The following NKAIN2 variants were observed in gnomAD, a reference collection of about 807,000 sequenced individuals.
NKAIN2 encodes sodium/potassium transporting ATPase interacting 2.
NKAIN2 carries 14 observed loss-of-function variants against 32.6 expected under a neutral mutation model. The observed-to-expected ratio is 0.43, with a 90% CI of 0.28 to 0.67. The LOEUF is 0.67. NKAIN2 is among the 30% of genes least tolerant of loss of function. The probability of loss-of-function intolerance (pLI) is 0.17; values close to 1 mark genes in which losing one functional copy is unlikely to be tolerated. For synonymous variants in NKAIN2, 80 were observed against 87.2 expected, an observed-to-expected ratio of 0.92 and a Z score of 0.46; for missense variants, 198 against 258.3, an observed-to-expected ratio of 0.77 and a Z score of 1.60.
intron 4 of NKAIN2, among the ~76,000 whole-genome samples, chr6:124,677,298 T>C (rs558580325): frequency 4.6e-5 from 7 of 152,272 alleles, no homozygotes; most frequent in African/African-American, 1.4e-4. Context: ...ATTCAGTCAT[T>C]TCCCATATTT....
chr6:124,430,178 T>C (rs1467192383), intron 3 of NKAIN2, among the ~76,000 whole-genome samples: 1 of 152,228 alleles, frequency 6.6e-6, no homozygotes, highest in African/African-American at 2.4e-5. Flanking sequence ...ATAGAGAATT[T>C]TTCTGTCAAC....
At chr6:124,140,576 G>A (rs1787084622) in intron 1 of NKAIN2, among the ~76,000 whole-genome samples, 1 of 152,094 alleles carries the variant, frequency 6.6e-6, no homozygotes. Context: ...AGAATGACTG[G>A]TAACTTGTTC....
At chr6:123,935,176 T>C (rs1406216030) in intron 1 of NKAIN2, among the ~76,000 whole-genome samples, 1 of 147,740 alleles carries the variant, frequency 6.8e-6, no homozygotes, top group Non-Finnish European at 1.5e-5. Flanking sequence ...TAAAAATAAA[T>C]ATATTAAATA....
intron 1 of NKAIN2, among the ~76,000 whole-genome samples, chr6:124,226,214 T>A (rs1290185484): frequency 6.6e-6 from 1 of 152,078 alleles, no homozygotes. Flanking sequence ...ATTACTTTTA[T>A]GTGAGCTCGA....
At chr6:124,110,286 C>A (rs1341253032) in intron 1 of NKAIN2, among the ~76,000 whole-genome samples, 2 of 151,968 alleles carry the variant, frequency 1.3e-5, no homozygotes, top group Non-Finnish European at 2.9e-5. Context: ...ACCCTCTGAT[C>A]ATTTCAAAAG....
chr6:123,976,957 TATCCA>T (rs10586109), intron 1 of NKAIN2, among the ~76,000 whole-genome samples: 96,055 of 151,136 alleles, frequency 0.64, 30,939 homozygotes, highest in East Asian at 0.83. Context: ...CTGATAATTT[TATCCA>T]GGTCTAATTT....
At chr6:124,704,282 GA>G (rs796186678) in intron 4 of NKAIN2, among the ~76,000 whole-genome samples, 204 of 150,498 alleles carry the variant, frequency 1.4e-3, no homozygotes, top group African/African-American at 4.8e-3. Context: ...GAGCTTCCTA[GA>G]AAAAAAAATC....
chr6:123,859,855 T>C (rs1052688071), intron 1 of NKAIN2, among the ~76,000 whole-genome samples: 2 of 152,148 alleles, frequency 1.3e-5, no homozygotes, highest in Non-Finnish European at 2.9e-5. Flanking sequence ...AATGCCTGGC[T>C]AATTTTTGTA....
At chr6:124,425,119 A>T (rs1338294892) in intron 3 of NKAIN2, among the ~76,000 whole-genome samples, 1 of 152,158 alleles carries the variant, frequency 6.6e-6, no homozygotes, top group African/African-American at 2.4e-5. Context: ...GGAAAATCCA[A>T]TCTGCCACAT....
At chr6:124,189,978 G>C (rs1789936009) in intron 1 of NKAIN2, among the ~76,000 whole-genome samples, 1 of 152,222 alleles carries the variant, frequency 6.6e-6, no homozygotes, top group Admixed American at 6.5e-5. Flanking sequence ...ATGAAGGTCA[G>C]AGGGCAGATT....
chr6:124,719,533 C>G (rs1373263796), intron 4 of NKAIN2, among the ~76,000 whole-genome samples: 7 of 152,162 alleles, frequency 4.6e-5, no homozygotes, highest in African/African-American at 1.7e-4. Context: ...TATTTATGAT[C>G]TGCTTTGCTA....
At chr6:123,996,737 A>C (rs1453081827) in intron 1 of NKAIN2, among the ~76,000 whole-genome samples, 2 of 152,112 alleles carry the variant, frequency 1.3e-5, no homozygotes, top group Non-Finnish European at 2.9e-5. Flanking sequence ...TTATTTGTTG[A>C]AATAAGCACA....
intron 1 of NKAIN2, among the ~76,000 whole-genome samples, chr6:123,883,032 C>CT (rs1236604792): frequency 6.6e-6 from 1 of 151,962 alleles, no homozygotes; most frequent in East Asian, 1.9e-4. Context: ...GGTTTGTGTC[C>CT]TTGCCCAAAT....
intron 1 of NKAIN2, among the ~76,000 whole-genome samples, chr6:123,810,746 G>A (rs949949321): frequency 3.3e-5 from 5 of 151,524 alleles, no homozygotes; most frequent in Non-Finnish European, 7.4e-5. Context: ...TTGTTTGCTC[G>A]TTTGTTTTTT....
chr6:124,251,906 GAT>G (rs1207826581), intron 1 of NKAIN2, among the ~76,000 whole-genome samples: 1 of 151,924 alleles, frequency 6.6e-6, no homozygotes, highest in Non-Finnish European at 1.5e-5. Context: ...CTGCAAAGAA[GAT>G]ATATATAAGA....
intron 4 of NKAIN2, among the ~76,000 whole-genome samples, chr6:124,701,833 C>A (rs1391278005): frequency 6.6e-6 from 1 of 151,918 alleles, no homozygotes; most frequent in Non-Finnish European, 1.5e-5. Flanking sequence ...TTTTATTTAT[C>A]AAGATTATTG....
chr6:123,815,404 T>C (rs1773651460), intron 1 of NKAIN2, among the ~76,000 whole-genome samples: 1 of 152,214 alleles, frequency 6.6e-6, no homozygotes, highest in South Asian at 2.1e-4. Flanking sequence ...TTATCTAGCA[T>C]TTGATGCACT....
chr6:124,619,134 C>G (rs1783017734), intron 3 of NKAIN2, among the ~76,000 whole-genome samples: 1 of 151,922 alleles, frequency 6.6e-6, no homozygotes, highest in African/African-American at 2.4e-5. Flanking sequence ...AACATGAAGA[C>G]CAAATTATTT....
At chr6:124,474,980 C>CAT (rs143166006) in intron 3 of NKAIN2, among the ~76,000 whole-genome samples, 73 of 148,284 alleles carry the variant, frequency 4.9e-4, no homozygotes, top group Admixed American at 2.0e-3. Flanking sequence ...GACACGCATG[C>CAT]ATATATATAT....
Sources: gnomAD v4.1 joint callset for allele counts (sites outside exome capture counted in the v4.1 genomes callset) on GRCh38, gnomAD v4.1.1 for gene constraint, MANE v1.5 for transcripts, NCBI Gene and HGNC (gene_info 2026-07-23, HGNC 2026-07-21) for gene names.